The following ANO1 variants were observed in gnomAD, a reference collection of about 807,000 sequenced individuals.
The protein encoded by ANO1 is anoctamin 1, also known as anoctamin-1.
ANO1 carries 59 observed loss-of-function variants against 124.0 expected under a neutral mutation model. The ratio of observed to expected loss-of-function variants is 0.48; its 90% confidence interval spans 0.39 to 0.59. The LOEUF (loss-of-function observed/expected upper bound fraction) is 0.59, where lower values mean the gene tolerates loss of function less well. Ranked by LOEUF, ANO1 falls within the 20% of genes least tolerant of loss-of-function variation. ANO1 has a pLI of 0.00. For synonymous variants in ANO1, 529 were observed against 532.0 expected (o/e 0.99, Z 0.08); for missense variants, 1,059 against 1,328.0 (o/e 0.80, Z 3.15).
chr11:70,037,201 G>T (rs1371095586), intron 1 of ANO1, among the ~76,000 whole-genome samples: 1 of 152,064 alleles, frequency 6.6e-6, no homozygotes, highest in Non-Finnish European at 1.5e-5. Context: ...AGCCTGTTTT[G>T]CTCCTCCTGA....
At chr11:70,027,995 A>G (rs543184126) in intron 1 of ANO1, among the ~76,000 whole-genome samples, 33 of 152,188 alleles carry the variant, frequency 2.2e-4, no homozygotes, top group African/African-American at 7.0e-4. Context: ...ATTAAAGTAC[A>G]CCCGTGGGTT....
At chr11:70,180,967 G>A (rs760409832) in intron 23 of ANO1, among the ~76,000 whole-genome samples, 35 of 152,126 alleles carry the variant, frequency 2.3e-4, no homozygotes, top group South Asian at 4.2e-4. Flanking sequence ...CTATCCCCAG[G>A]CCTGCAGGCT....
intron 8 of ANO1, among the ~76,000 whole-genome samples, chr11:70,120,570 A>G (rs1323628002): frequency 6.6e-6 from 1 of 152,034 alleles, no homozygotes; most frequent in African/African-American, 2.4e-5. Flanking sequence ...TCATTCATCC[A>G]TCCATTCATC....
chr11:70,131,166 C>T (rs916350697), intron 10 of ANO1, among the ~76,000 whole-genome samples: 7 of 152,220 alleles, frequency 4.6e-5, no homozygotes, highest in Admixed American at 3.9e-4. Flanking sequence ...GCTGCTGCCT[C>T]AGGGTCACCC....
At position 70,078,704 on chromosome 11, in the gene ANO1, C is replaced by T; in HGVS notation, c.98C>T (p.Ser33Phe). The change falls in exon 1 of 26, where the codon TCC becomes TTC. Residue 33 changes from serine (S) to phenylalanine (F), a missense_variant. Around this residue, in one of 2 missense-constraint regions of ANO1, gnomAD observed 250 missense variants for 233.1 expected, o/e 1.07. Coordinates refer to ENST00000355303, the MANE Select transcript of ANO1 (RefSeq NM_018043.7). Reference protein sequence around the residue: ...CAIEDIGYLPSEGTLLNSLSV... With the variant: ...CAIEDIGYLPFEGTLLNSLSV... ...ATCGAGGACATCGGCTACCTGCCGTCCGAGGGCACGGTGAGTGCGGGCGGC... is the reference window on the plus strand; with the variant it reads ...ATCGAGGACATCGGCTACCTGCCGTTCGAGGGCACGGTGAGTGCGGGCGGC... The T allele has an allele frequency of 1.3e-6, 2 of 1,484,766 alleles. No homozygotes were observed. Among genetic ancestry groups the T allele is most frequent in the Non-Finnish European group, 1.8e-6 (2 of 1,105,864 alleles). The allele number at this position is 1,484,766 out of a possible 1,614,324, so 92.0% of individuals were successfully genotyped here. A position where few individuals can be genotyped will look rare whatever the true frequency, so the allele number is the denominator to read the frequency against.
At chr11:70,125,704 C>A (rs1374685625) in intron 9 of ANO1, among the ~76,000 whole-genome samples, 1 of 150,034 alleles carries the variant, frequency 6.7e-6, no homozygotes, top group South Asian at 2.1e-4. Context: ...ATTAGCCGGG[C>A]GTGGTGGCGG....
chr11:70,036,024 C>T (rs1470776242), intron 1 of ANO1, among the ~76,000 whole-genome samples: 1 of 152,154 alleles, frequency 6.6e-6, no homozygotes, highest in Non-Finnish European at 1.5e-5. Context: ...ATTTATCATC[C>T]TTTGGGTATA....
At chr11:70,006,920 TCG>T (rs1856503064) in intron 1 of ANO1, among the ~76,000 whole-genome samples, 1 of 152,122 alleles carries the variant, frequency 6.6e-6, no homozygotes, top group African/African-American at 2.4e-5. Flanking sequence ...TCCGCCCGCC[TCG>T]GCCTCCCAAA....
the ANO1 span, among the ~76,000 whole-genome samples, chr11:69,969,155 A>G: frequency 6.6e-6 from 1 of 152,200 alleles, no homozygotes; most frequent in South Asian, 2.1e-4. Context: ...CAAGGGCTGC[A>G]GGGCCACGGG....
chr11:69,982,273 C>T (rs139887352), upstream of ANO1, among the ~76,000 whole-genome samples: 171 of 152,314 alleles, frequency 1.1e-3, 2 homozygotes, highest in African/African-American at 3.9e-3. Flanking sequence ...CCAGATGCCC[C>T]ACCTGAACCT....
chr11:70,180,184 G>A (rs538444220), intron 23 of ANO1, 128 bp downstream of exon 23: 15 of 830,610 alleles, frequency 1.8e-5, no homozygotes, highest in East Asian at 5.1e-5. Flanking sequence ...CAGGCTGCCC[G>A]GATTCTCTAG....
intron 1 of ANO1, among the ~76,000 whole-genome samples, chr11:70,040,590 G>A (rs782630297): frequency 4.6e-5 from 7 of 152,116 alleles, no homozygotes; most frequent in East Asian, 1.9e-4. Context: ...CATGACAATC[G>A]CTTGAGCCTG....
At chr11:70,102,622 G>C (rs2045321534) in intron 2 of ANO1, among the ~76,000 whole-genome samples, 1 of 152,240 alleles carries the variant, frequency 6.6e-6, no homozygotes, top group Non-Finnish European at 1.5e-5. Flanking sequence ...ACCATCTTCA[G>C]TCGTCCCCTC....
chr11:69,983,227 C>G (rs372724211), upstream of ANO1, among the ~76,000 whole-genome samples: 17 of 151,948 alleles, frequency 1.1e-4, no homozygotes, highest in Admixed American at 1.1e-3. Context: ...TGCCTACCCC[C>G]AAGCCAGGCC....
chr11:69,997,088 A>C (rs2120338047), intron 1 of ANO1, among the ~76,000 whole-genome samples: 1 of 151,968 alleles, frequency 6.6e-6, no homozygotes, highest in East Asian at 1.9e-4. Flanking sequence ...GGGTGGAACA[A>C]CTTGCAGTGC....
intron 8 of ANO1, among the ~76,000 whole-genome samples, chr11:70,119,598 A>G (rs1276017293): frequency 7.0e-6 from 1 of 142,586 alleles, no homozygotes; most frequent in African/African-American, 2.6e-5. Context: ...GCTGATGGAA[A>G]GATGAATGAT....
intron 23 of ANO1, among the ~76,000 whole-genome samples, chr11:70,181,215 T>C (rs1342600748): frequency 1.3e-5 from 2 of 152,186 alleles, no homozygotes; most frequent in Admixed American, 1.3e-4. Context: ...GTTGACACCA[T>C]GCACATGAGG....
chr11:70,021,827 C>T (rs554653315), intron 1 of ANO1, among the ~76,000 whole-genome samples: 1 of 152,308 alleles, frequency 6.6e-6, no homozygotes, highest in African/African-American at 2.4e-5. Flanking sequence ...CTTCACATCC[C>T]ACTGCCTGTG....
At chr11:70,022,717 A>G (rs1223240393) in intron 1 of ANO1, among the ~76,000 whole-genome samples, 1 of 152,126 alleles carries the variant, frequency 6.6e-6, no homozygotes, top group East Asian at 1.9e-4. Context: ...TGTGGCAAGC[A>G]GAATCACGAC....
Sources: gnomAD v4.1 joint callset for allele counts (sites outside exome capture counted in the v4.1 genomes callset) on GRCh38, gnomAD v4.1.1 for gene constraint, gnomAD v4.1.1 regional missense constraint, MANE v1.5 for transcripts, NCBI Gene and HGNC (gene_info 2026-07-23, HGNC 2026-07-21) for gene names.